Variants in RBMS3 observed in about 807,000 individuals in gnomAD.
The protein encoded by RBMS3 is RNA-binding motif, single-stranded-interacting protein 3.
A neutral mutation model predicts 66.8 loss-of-function variants in RBMS3; 27 were observed. That is an observed-to-expected ratio of 0.40 (90% CI 0.30 to 0.56). The LOEUF is 0.56. Among genes scored for constraint, RBMS3 ranks in the 20% least tolerant of loss-of-function variants. The pLI is 0.40. For missense variants in RBMS3, 513 were observed against 549.5 expected (o/e 0.93, Z 0.66); for synonymous variants, 188 against 183.0 (o/e 1.03, Z -0.22).
chr3:29,444,431 A>G (rs1298535536), intron 2 of RBMS3, among the ~76,000 whole-genome samples: 1 of 152,108 alleles, frequency 6.6e-6, no homozygotes, highest in Admixed American at 6.6e-5. Flanking sequence ...GTGTATAACA[A>G]TAAAAGAAAA....
chr3:29,737,385 T>C (rs1243511468), intron 4 of RBMS3, among the ~76,000 whole-genome samples: 1 of 152,238 alleles, frequency 6.6e-6, no homozygotes, highest in Admixed American at 6.5e-5. Flanking sequence ...TAACATTTGG[T>C]GTTTCAAATA....
At chr3:29,327,181 T>C in intron 1 of RBMS3, among the ~76,000 whole-genome samples, 1 of 152,352 alleles carries the variant, frequency 6.6e-6, no homozygotes, top group African/African-American at 2.4e-5. Context: ...CTCTAATTTG[T>C]TCATTATTTG....
At chr3:29,546,326 C>T (rs190339662) in intron 3 of RBMS3, among the ~76,000 whole-genome samples, 57 of 152,202 alleles carry the variant, frequency 3.7e-4, no homozygotes, top group African/African-American at 1.3e-3. Flanking sequence ...ACGTACACAG[C>T]TAGTAGGTGG....
At chr3:29,741,486 A>G (rs1287805759) in intron 5 of RBMS3, among the ~76,000 whole-genome samples, 3 of 152,370 alleles carry the variant, frequency 2.0e-5, no homozygotes, top group Admixed American at 6.5e-5. Context: ...TTTACATACC[A>G]TACACATTCC....
intron 7 of RBMS3, among the ~76,000 whole-genome samples, chr3:29,874,639 G>A (rs114065392): frequency 2.5e-4 from 38 of 152,246 alleles, no homozygotes; most frequent in East Asian, 1.2e-3. Context: ...GTTGGTTTTC[G>A]TAATTAGCAC....
intron 4 of RBMS3, among the ~76,000 whole-genome samples, chr3:29,708,631 A>AT (rs1371040696): frequency 6.6e-6 from 1 of 152,146 alleles, no homozygotes; most frequent in African/African-American, 2.4e-5. Flanking sequence ...GATTGGGGTG[A>AT]TTCTAGCAGA....
intron 10 of RBMS3, among the ~76,000 whole-genome samples, chr3:29,930,105 C>CTTTT (rs2061071164): frequency 3.7e-5 from 1 of 27,380 alleles, no homozygotes; most frequent in Admixed American, 3.7e-4. Context: ...ACTTTTCTTT[C>CTTTT]TTTCTTTTTT....
chr3:29,838,147 G>A (rs1343498416), intron 6 of RBMS3, among the ~76,000 whole-genome samples: 1 of 144,302 alleles, frequency 6.9e-6, no homozygotes, highest in East Asian at 2.0e-4. Flanking sequence ...AACCAGCCTG[G>A]GCAACATAGT....
intron 4 of RBMS3, among the ~76,000 whole-genome samples, chr3:29,653,369 T>TA (rs2050209026): frequency 6.6e-6 from 1 of 152,172 alleles, no homozygotes; most frequent in Non-Finnish European, 1.5e-5. Context: ...GATCTACTCT[T>TA]ACTTCACTTT....
intron 1 of RBMS3, among the ~76,000 whole-genome samples, chr3:29,339,451 A>T (rs1474614839): frequency 6.6e-6 from 1 of 152,190 alleles, no homozygotes; most frequent in Non-Finnish European, 1.5e-5. Context: ...TTGTTGTCCA[A>T]AAATAGTCGG....
chr3:29,404,087 G>T (rs2125671701), intron 1 of RBMS3, among the ~76,000 whole-genome samples: 2 of 152,234 alleles, frequency 1.3e-5, no homozygotes, highest in East Asian at 3.9e-4. Context: ...GACTATCGAA[G>T]ATGAAAATTG....
At chr3:29,605,156 TC>T (rs1004019644) in intron 4 of RBMS3, among the ~76,000 whole-genome samples, 38 of 151,992 alleles carry the variant, frequency 2.5e-4, no homozygotes, top group African/African-American at 8.9e-4. Flanking sequence ...TTGCTTTTCC[TC>T]CTTTGAAATA....
intron 6 of RBMS3, among the ~76,000 whole-genome samples, chr3:29,833,578 C>T (rs2058427747): frequency 6.6e-6 from 1 of 151,980 alleles, no homozygotes; most frequent in South Asian, 2.1e-4. Flanking sequence ...CTGCCTTCAT[C>T]AAACAGAAAT....
At position 29,793,207 on chromosome 3, in the gene RBMS3, G is replaced by A. The variant is rs377376009; in HGVS notation, c.637+30218G>A. 1.7e-4 allele frequency among the ~76,000 whole-genome samples: 25 copies of A among 151,390 alleles called. 1 individual carries two copies. In the East Asian group the frequency reaches 4.7e-3, roughly 28 times the overall value. On this transcript the variant is annotated intron_variant, in intron 6 of 14. Coordinates refer to ENST00000383767, the MANE Select transcript of RBMS3 (RefSeq NM_001003793.3). ...GATTGCACCACTGCACTTCAGTCTG[G>A]GCAATGGAGTGAGACTCCATCTCAA...
chr3:29,590,440 A>G (rs552413741), intron 4 of RBMS3, among the ~76,000 whole-genome samples: 2 of 152,146 alleles, frequency 1.3e-5, no homozygotes, highest in Non-Finnish European at 2.9e-5. Context: ...ATCATAATAC[A>G]TGTTTTAAAT....
In RBMS3 at chr3:30,009,390, C is replaced by T. The variant is rs561923279; in HGVS notation, c.*5528C>T. Reference sequence around the variant, plus strand: ...TTAATTTCTTAAGGGGGTTTGAAATCATTGGTAAAATTAATATCAGTACAT... The same window carrying T: ...TTAATTTCTTAAGGGGGTTTGAAATTATTGGTAAAATTAATATCAGTACAT... On this transcript the variant is annotated 3_prime_UTR_variant, in exon 15 of 15. Coordinates refer to ENST00000383767, the MANE Select transcript of RBMS3 (RefSeq NM_001003793.3). 1 of 152,002 alleles carries T rather than the reference C, an allele frequency of 6.6e-6. No homozygotes were observed. The highest frequency in any genetic ancestry group is 1.5e-5 in the Non-Finnish European group (1 of 67,982). 9.4% of individuals were successfully genotyped at this position (152,002 alleles called of 1,614,324 possible).
chr3:29,609,417 A>C (rs1421561174), intron 4 of RBMS3, among the ~76,000 whole-genome samples: 1 of 151,968 alleles, frequency 6.6e-6, no homozygotes, highest in African/African-American at 2.4e-5. Context: ...TGGATTGTAC[A>C]GTGATTCTGG....
chr3:29,948,253 A>G (rs1446009577), intron 12 of RBMS3, among the ~76,000 whole-genome samples: 2 of 151,762 alleles, frequency 1.3e-5, no homozygotes, highest in African/African-American at 2.4e-5. Context: ...ACATGATGCA[A>G]TTAAGACAAA....
intron 12 of RBMS3, among the ~76,000 whole-genome samples, chr3:29,975,284 T>C (rs1697508531): frequency 2.0e-5 from 3 of 151,502 alleles, no homozygotes; most frequent in Middle Eastern, 6.8e-3. Flanking sequence ...TGTTGATACA[T>C]ACATAGGAGT....
Sources: allele counts gnomAD v4.1 joint callset (sites outside exome capture counted in the v4.1 genomes callset), GRCh38; gene constraint gnomAD v4.1.1; transcripts MANE v1.5; gene names NCBI Gene and HGNC (gene_info 2026-07-23, HGNC 2026-07-21).